The following GALNT13 variants were observed in gnomAD, a reference collection of about 807,000 sequenced individuals.
GALNT13 encodes UDP-GalNAc:polypeptide N-acetylgalactosaminyltransferase 13.
A neutral mutation model predicts 64.2 loss-of-function variants in GALNT13; 28 were observed. The ratio of observed to expected loss-of-function variants is 0.44; its 90% confidence interval spans 0.32 to 0.60. The LOEUF (loss-of-function observed/expected upper bound fraction) is 0.60. GALNT13 is among the 20% of genes least tolerant of loss of function. The pLI is 0.05. For synonymous variants in GALNT13, 214 were observed against 224.6 expected, an observed-to-expected ratio of 0.95 and a Z score of 0.42; for missense variants, 577 against 669.8, an observed-to-expected ratio of 0.86 and a Z score of 1.53.
chr2:153,219,318 G>A, the GALNT13 span, among the ~76,000 whole-genome samples: 1 of 152,190 alleles, frequency 6.6e-6, no homozygotes, highest in Non-Finnish European at 1.5e-5. Context: ...TGAGTCAAAT[G>A]TTCTCTGGTT....
At chr2:153,742,543 T>G in the GALNT13 span, among the ~76,000 whole-genome samples, 3 of 152,130 alleles carry the variant, frequency 2.0e-5, no homozygotes, top group Non-Finnish European at 4.4e-5. Context: ...GTAAACATTG[T>G]ACCCAATAGT....
chr2:153,533,996 C>T, the GALNT13 span, among the ~76,000 whole-genome samples: 9 of 151,192 alleles, frequency 6.0e-5, no homozygotes, highest in African/African-American at 2.2e-4. Context: ...CCTCTTGCCT[C>T]CCTGAGAGCT....
intron 3 of GALNT13, among the ~76,000 whole-genome samples, chr2:154,106,042 T>A (rs1327441601): frequency 1.3e-5 from 2 of 152,262 alleles, no homozygotes; most frequent in Non-Finnish European, 2.9e-5. Context: ...ATTCTCCCCT[T>A]TCAGTGCTAT....
intron 3 of GALNT13, among the ~76,000 whole-genome samples, chr2:154,124,643 G>A (rs948957149): frequency 2.0e-5 from 3 of 151,904 alleles, no homozygotes; most frequent in African/African-American, 7.2e-5. Flanking sequence ...CCTCTCACTT[G>A]TAGGGAAAGT....
downstream of GALNT13, among the ~76,000 whole-genome samples, chr2:154,454,026 T>C (rs1241721017): frequency 1.3e-5 from 2 of 152,174 alleles, no homozygotes; most frequent in Non-Finnish European, 2.9e-5. Context: ...TTTGGTTGTG[T>C]CCAATGGCCA....
At chr2:153,188,439 C>T in the GALNT13 span, among the ~76,000 whole-genome samples, 19 of 149,892 alleles carry the variant, frequency 1.3e-4, no homozygotes, top group African/African-American at 3.2e-4. Context: ...GTAATTGTAG[C>T]GTGAGTTAAA....
the GALNT13 span, among the ~76,000 whole-genome samples, chr2:153,691,592 G>T: frequency 2.6e-5 from 4 of 151,866 alleles, no homozygotes; most frequent in East Asian, 7.7e-4. Flanking sequence ...ATGGGCAAAA[G>T]GCTTAATAGC....
the GALNT13 span, among the ~76,000 whole-genome samples, chr2:153,236,446 G>C: frequency 1.6e-4 from 25 of 152,206 alleles, no homozygotes; most frequent in Non-Finnish European, 3.4e-4. Flanking sequence ...AGGACAAGCT[G>C]ACTTTCTTGT....
At chr2:153,169,972 A>T in the GALNT13 span, among the ~76,000 whole-genome samples, 1 of 152,204 alleles carries the variant, frequency 6.6e-6, no homozygotes, top group African/African-American at 2.4e-5. Context: ...GCTTGGGAAT[A>T]TGTTTGTTTA....
chr2:153,126,461 C>T, the GALNT13 span, among the ~76,000 whole-genome samples: 18 of 151,492 alleles, frequency 1.2e-4, no homozygotes, highest in African/African-American at 4.4e-4. Context: ...CCACAAATCT[C>T]CAAAACAACC....
chr2:154,149,248 C>T lies in GALNT13; in HGVS notation c.311+8743C>T, dbSNP rs552509646. On this transcript the variant is annotated intron_variant, in intron 4 of 12. Transcript: ENST00000392825. Reference sequence around the variant, plus strand: ...AGATCAGATAGTTGTAGATATGCGGCGTTATTTCTGAGGGCTCTGTTCTAT... The same window carrying T: ...AGATCAGATAGTTGTAGATATGCGGTGTTATTTCTGAGGGCTCTGTTCTAT... Among the ~76,000 whole-genome samples, 592 of 152,142 alleles carry T rather than the reference C, an allele frequency of 3.9e-3. 6 individuals are homozygous for T. The highest frequency in any genetic ancestry group is 5.9e-3 in the Non-Finnish European group (398 of 67,992).
the GALNT13 span, among the ~76,000 whole-genome samples, chr2:153,557,043 T>C: frequency 1.3e-5 from 2 of 152,066 alleles, no homozygotes; most frequent in Non-Finnish European, 2.9e-5. Flanking sequence ...GACCCCCCCT[T>C]CCATTAAATT....
chr2:153,205,013 G>T, the GALNT13 span, among the ~76,000 whole-genome samples: 1 of 152,114 alleles, frequency 6.6e-6, no homozygotes, highest in African/African-American at 2.4e-5. Context: ...TTGAAGCAAA[G>T]ACTTTTTGCT....
chr2:153,795,924 G>A, the GALNT13 span, among the ~76,000 whole-genome samples: 1 of 152,172 alleles, frequency 6.6e-6, no homozygotes, highest in Non-Finnish European at 1.5e-5. Flanking sequence ...ATCTTGGAGT[G>A]TTCTCTTAGA....
the GALNT13 span, among the ~76,000 whole-genome samples, chr2:153,549,100 G>T: frequency 1.3e-5 from 2 of 152,278 alleles, no homozygotes; most frequent in African/African-American, 2.4e-5. Context: ...GTTGCCAGGG[G>T]TTAAGGAAAG....
chr2:153,662,373 G>A, the GALNT13 span, among the ~76,000 whole-genome samples: 4 of 152,206 alleles, frequency 2.6e-5, no homozygotes, highest in East Asian at 7.7e-4. Context: ...CTTATACAAA[G>A]CTTACTTTCC....
At chr2:153,343,563 A>G in the GALNT13 span, among the ~76,000 whole-genome samples, 1 of 152,162 alleles carries the variant, frequency 6.6e-6, no homozygotes, top group Non-Finnish European at 1.5e-5. Context: ...AATAAAAAGT[A>G]AAAAATACTT....
the GALNT13 span, among the ~76,000 whole-genome samples, chr2:153,102,576 A>G: frequency 6.6e-6 from 1 of 152,166 alleles, no homozygotes; most frequent in East Asian, 1.9e-4. Context: ...GTGAATTGCT[A>G]TCATTTTAGG....
the GALNT13 span, among the ~76,000 whole-genome samples, chr2:153,613,930 G>A: frequency 3.3e-5 from 5 of 152,032 alleles, no homozygotes; most frequent in Admixed American, 1.3e-4. Flanking sequence ...GTTAATGGGT[G>A]CAGCACACCA....
Sources: gnomAD v4.1 joint callset for allele counts (sites outside exome capture counted in the v4.1 genomes callset) on GRCh38, gnomAD v4.1.1 for gene constraint, MANE v1.5 for transcripts, NCBI Gene and HGNC (gene_info 2026-07-23, HGNC 2026-07-21) for gene names.